Variants in MON2 observed in about 807,000 individuals in gnomAD.
MON2 encodes the protein protein MON2 homolog.
MON2 carries 84 observed loss-of-function variants against 208.6 expected under a neutral mutation model. That is an observed-to-expected ratio of 0.40 (90% CI 0.34 to 0.48). MON2 has a LOEUF of 0.48. Among genes scored for constraint, MON2 ranks in the 20% least tolerant of loss-of-function variants. The pLI is 0.59. For missense variants in MON2, 1,611 were observed against 2,015.4 expected (o/e 0.80, Z 3.84); for synonymous variants, 660 against 694.0 (o/e 0.95, Z 0.77).
chr12:62,514,117 C>T (rs986039551), intron 8 of MON2, among the ~76,000 whole-genome samples: 6 of 152,108 alleles, frequency 3.9e-5, no homozygotes, highest in Non-Finnish European at 7.4e-5. Flanking sequence ...CAACAAGTTC[C>T]TCATCTCCAT....
At position 62,484,251 on chromosome 12, in the gene MON2, A is replaced by C; in HGVS notation, c.175+18A>C. 6.5e-7 allele frequency: 1 copy of C among 1,534,702 alleles called. No individual in the cohort carries two copies. Among genetic ancestry groups the C allele is most frequent in the South Asian group, 1.2e-5 (1 of 83,190 alleles). ...TTTGGCAGGTAATTTTTTGTATTAA[A>C]AATTTAATAATAAACAAAAATTTGA... On this transcript the variant is annotated intron_variant, in intron 2 of 34. Coordinates refer to ENST00000393630, the MANE Select transcript of MON2 (RefSeq NM_015026.3).
intron 14 of MON2, among the ~76,000 whole-genome samples, chr12:62,536,727 G>T (rs144823653): frequency 1.3e-5 from 2 of 148,156 alleles, no homozygotes; most frequent in Non-Finnish European, 3.0e-5. Flanking sequence ...TCACTCTGTC[G>T]CTCAGCCTAG....
intron 1 of MON2, among the ~76,000 whole-genome samples, chr12:62,476,224 A>G (rs1195866670): frequency 6.6e-6 from 1 of 152,110 alleles, no homozygotes. Flanking sequence ...TTACAGAAGA[A>G]AATCTTATTG....
At chr12:62,592,536 A>C (rs2075429104) in intron 34 of MON2, 50 bp from the exon 35 acceptor site, 7 of 1,437,458 alleles carry the variant, frequency 4.9e-6, no homozygotes, top group Non-Finnish European at 6.6e-6. Flanking sequence ...TTAATTGAAT[A>C]ATCTCTATTT....
At chr12:62,468,505 G>T (rs866184221) in intron 1 of MON2, among the ~76,000 whole-genome samples, 6 of 152,208 alleles carry the variant, frequency 3.9e-5, no homozygotes, top group Middle Eastern at 6.8e-3. Context: ...TGGATTTTAG[G>T]CTTGTAAGGA....
chr12:62,522,325 C>T lies in MON2; in HGVS notation c.985-2190C>T, dbSNP rs2072088486. Among the ~76,000 whole-genome samples the T allele has an allele frequency of 2.0e-5, 3 of 152,222 alleles. No homozygotes were observed. The South Asian group carries it at 6.2e-4, about 31-fold the overall frequency. On this transcript the variant is annotated intron_variant, in intron 8 of 34. Coordinates refer to ENST00000393630, the MANE Select transcript of MON2 (RefSeq NM_015026.3). The stretch of plus-strand genomic sequence containing the variant: ...CAGACATTTCTCTAACAAAAGATCT[C>T]ATCACTACCAAATCTATTAGCTCCA...
intron 8 of MON2, among the ~76,000 whole-genome samples, chr12:62,519,074 A>G (rs531222843): frequency 6.6e-6 from 1 of 152,278 alleles, no homozygotes; most frequent in East Asian, 1.9e-4. Flanking sequence ...TAGTCTCAAG[A>G]CTGCTTTATA....
chr12:62,566,157 A>T, intron 28 of MON2, 126 bp downstream of exon 28: 2 of 1,348,150 alleles, frequency 1.5e-6, no homozygotes, highest in Non-Finnish European at 2.0e-6. Flanking sequence ...GCTGAAAATT[A>T]TTTTTTTCAT....
chr12:62,480,708 A>T (rs4763170), intron 1 of MON2, among the ~76,000 whole-genome samples: 14,558 of 152,254 alleles, frequency 0.096, 855 homozygotes, highest in Non-Finnish European at 0.14. Context: ...TCATTTACTG[A>T]CATCTATCAT....
At chr12:62,472,246 TGAGA>T (rs1325986053) in intron 1 of MON2, among the ~76,000 whole-genome samples, 1 of 151,492 alleles carries the variant, frequency 6.6e-6, no homozygotes, top group African/African-American at 2.4e-5. Context: ...GGTTGGGGAG[TGAGA>T]GAGCTAGAAG....
chr12:62,592,864 GC>G lies in MON2; in HGVS notation c.*117del. ...AGATAATTCTTGGCAGCTGTTGTTGGCCTCCTTTAAATTCTACTTACCTGAG... is the reference window on the plus strand; with the variant it reads ...AGATAATTCTTGGCAGCTGTTGTTGGCTCCTTTAAATTCTACTTACCTGAG... On this transcript the variant is annotated 3_prime_UTR_variant, in exon 35 of 35. Coordinates refer to ENST00000393630, the MANE Select transcript of MON2 (RefSeq NM_015026.3). 1 of 1,110,176 alleles carries G rather than the reference GC, an allele frequency of 9.0e-7. No individual in the cohort carries two copies. The highest frequency in any genetic ancestry group is 1.9e-5 in the South Asian group (1 of 53,662). The allele number at this position is 1,110,176 out of a possible 1,614,324, so 68.8% of individuals were successfully genotyped here.
At position 62,519,837 on chromosome 12, in the gene MON2, A is replaced by G. The variant is rs916061022; in HGVS notation, c.985-4678A>G. 2.3e-4 allele frequency among the ~76,000 whole-genome samples: 35 copies of G among 152,340 alleles called. No homozygotes were observed. In the East Asian group the frequency reaches 6.2e-3, roughly 27 times the overall value. ...TTCTTTTTTTGTTTGTCTTCTTGAG[A>G]CGGAGTCTCGCTCTGTCACCCTGGC... On this transcript the variant is annotated intron_variant, in intron 8 of 34. Transcript: ENST00000393630.
intron 2 of MON2, among the ~76,000 whole-genome samples, chr12:62,493,436 G>C (rs1166200198): frequency 2.6e-5 from 4 of 152,064 alleles, no homozygotes; most frequent in Non-Finnish European, 5.9e-5. Flanking sequence ...AAGAAATTAG[G>C]GCTGTTTAAA....
chr12:62,575,761 T>TTC (rs1262755020), intron 30 of MON2, among the ~76,000 whole-genome samples: 1 of 152,014 alleles, frequency 6.6e-6, no homozygotes, highest in East Asian at 1.9e-4. Context: ...AGTAAACAGT[T>TTC]TAAGAGAAAG....
intron 23 of MON2, among the ~76,000 whole-genome samples, chr12:62,552,001 T>C (rs1362712920): frequency 4.6e-5 from 7 of 152,230 alleles, no homozygotes; most frequent in African/African-American, 1.7e-4. Context: ...GTATCTGTAC[T>C]GAACATGTAC....
intron 33 of MON2, among the ~76,000 whole-genome samples, chr12:62,586,490 A>G (rs1046927889): frequency 5.3e-5 from 8 of 152,330 alleles, no homozygotes; most frequent in African/African-American, 1.9e-4. Flanking sequence ...TTGCCAGTTT[A>G]TCATTTATCT....
At chr12:62,501,137 C>CA (rs1565620847) in intron 6 of MON2, among the ~76,000 whole-genome samples, 1 of 151,218 alleles carries the variant, frequency 6.6e-6, no homozygotes, top group East Asian at 1.9e-4. Flanking sequence ...ACTAGTCATA[C>CA]AAAAAAAAGT....
chr12:62,501,879 A>G (rs1265523221), intron 7 of MON2, among the ~76,000 whole-genome samples, 181 bp downstream of exon 7: 2 of 152,080 alleles, frequency 1.3e-5, no homozygotes, highest in African/African-American at 4.8e-5. Context: ...TGAGCCCAGG[A>G]GTTCGAGACC....
intron 8 of MON2, among the ~76,000 whole-genome samples, chr12:62,510,407 T>C (rs2071334176): frequency 6.6e-6 from 1 of 152,128 alleles, no homozygotes; most frequent in African/African-American, 2.4e-5. Context: ...GGAAACTTAA[T>C]TCAACAGCAT....
Sources: gnomAD v4.1 joint callset for allele counts (sites outside exome capture counted in the v4.1 genomes callset) on GRCh38, gnomAD v4.1.1 for gene constraint, MANE v1.5 for transcripts, NCBI Gene and HGNC (gene_info 2026-07-23, HGNC 2026-07-21) for gene names.